The following TUBGCP6 variants were observed in gnomAD, a reference collection of about 807,000 sequenced individuals.
TUBGCP6 encodes the protein tubulin gamma complex component 6, also known as gamma-tubulin complex component 6.
TUBGCP6 carries 161 observed loss-of-function variants against 175.8 expected under a neutral mutation model. That is an observed-to-expected ratio of 0.92 (90% CI 0.81 to 1.04). TUBGCP6 has a LOEUF of 1.04. Ranked by LOEUF, TUBGCP6 falls within the 50% of genes least tolerant of loss-of-function variation. TUBGCP6 has a pLI of 0.00. For synonymous variants in TUBGCP6, 1,173 were observed against 1,030.5 expected (o/e 1.14, Z -2.65); for missense variants, 2,572 against 2,433.0 (o/e 1.06, Z -1.20).
At chr22:50,236,805 C>A (rs984766279) in intron 2 of TUBGCP6, among the ~76,000 whole-genome samples, 19 of 152,312 alleles carry the variant, frequency 1.2e-4, no homozygotes, top group Admixed American at 9.8e-4. Flanking sequence ...CCCTGCATTT[C>A]TTCCTGCAGA....
At chr22:50,224,799 T>C (rs943509790) in intron 10 of TUBGCP6, among the ~76,000 whole-genome samples, 1 of 151,882 alleles carries the variant, frequency 6.6e-6, no homozygotes, top group East Asian at 1.9e-4. Flanking sequence ...ATCAACTATT[T>C]GGCGGGGGTC....
chr22:50,227,162 T>A, intron 5 of TUBGCP6, 85 bp from the exon 6 acceptor site: 1 of 1,250,114 alleles, frequency 8.0e-7, no homozygotes, highest in Non-Finnish European at 1.1e-6. Flanking sequence ...TCTCCACGTA[T>A]CTTTATGCTC....
intron 1 of TUBGCP6, among the ~76,000 whole-genome samples, chr22:50,243,190 C>T (rs2064860919): frequency 6.6e-6 from 1 of 152,290 alleles, no homozygotes; most frequent in Non-Finnish European, 1.5e-5. Flanking sequence ...TGGCTCACGC[C>T]TGTAATCCCA....
intron 15 of TUBGCP6, 51 bp downstream of exon 15, chr22:50,221,977 G>C (rs371054060): frequency 3.1e-6 from 5 of 1,607,736 alleles, no homozygotes; most frequent in South Asian, 1.1e-5. Flanking sequence ...ACCAGGTGCC[G>C]AGGGCTATGG....
chr22:50,219,038 CA>C (rs1049491393), intron 20 of TUBGCP6, 29 bp downstream of exon 20: 1 of 1,610,092 alleles, frequency 6.2e-7, no homozygotes, highest in Non-Finnish European at 8.5e-7. Context: ...TCCCCTCTAC[CA>C]CTGGCCCCAC....
intron 10 of TUBGCP6, among the ~76,000 whole-genome samples, 186 bp downstream of exon 10, chr22:50,225,579 CCCCCTTGGCACCCACCCTTCATCTCAACT>C (rs1167302539): frequency 3.0e-4 from 30 of 99,064 alleles, no homozygotes; most frequent in South Asian, 2.2e-3. Context: ...CATCTCAGCT[CCCCCTTGGCACCCACCCTTCATCTCAACT>C]CCCCGTTGAC....
Position 50,218,407 on chromosome 22 carries a change from C to T in TUBGCP6, c.4955-5G>A, listed in dbSNP as rs778622220. 3.2e-5 allele frequency: 51 copies of T among 1,612,768 alleles called. No individual in the cohort carries two copies. The highest frequency in any genetic ancestry group is 5.3e-5 in the African/African-American group (4 of 74,916). The stretch of plus-strand genomic sequence containing the variant: ...CGGCCATGTGGCTCAGCAGGGCTGG[C>T]GGAGGGCAGAAGGCAGAGGGCAGAG... On this transcript the variant is annotated splice_polypyrimidine_tract_variant and splice_region_variant and intron_variant, in intron 22 of 24. Coordinates refer to ENST00000248846, the MANE Select transcript of TUBGCP6 (RefSeq NM_020461.4).
In TUBGCP6 at chr22:50,226,900, C is replaced by T. The variant is rs777145308; in HGVS notation, c.1492-58G>A. ...AGCGCACCCAGCGCTGGGAGTGAGG[C>T]GCAGCCCTGCCGGCAGCAGCCCTCC... On this transcript the variant is annotated intron_variant, in intron 6 of 24. Coordinates refer to ENST00000248846, the MANE Select transcript of TUBGCP6 (RefSeq NM_020461.4). 43 of 1,554,806 alleles carry T rather than the reference C, an allele frequency of 2.8e-5. No homozygotes were observed. The East Asian group carries it at 5.0e-4, about 18-fold the overall frequency.
chr22:50,233,877 ATTC>A (rs1253282032), intron 2 of TUBGCP6, among the ~76,000 whole-genome samples: 1 of 152,044 alleles, frequency 6.6e-6, no homozygotes, highest in African/African-American at 2.4e-5. Flanking sequence ...CTCATAAAGT[ATTC>A]TTCTGTTAGA....
chr22:50,243,539 G>A (rs2064869237), intron 1 of TUBGCP6, among the ~76,000 whole-genome samples, 180 bp downstream of exon 1: 1 of 143,048 alleles, frequency 7.0e-6, no homozygotes, highest in Non-Finnish European at 1.5e-5. Flanking sequence ...AATTGCTTGA[G>A]CCCAGAAAGT....
intron 4 of TUBGCP6, among the ~76,000 whole-genome samples, chr22:50,228,282 G>A (rs1396462515): frequency 1.4e-5 from 2 of 147,916 alleles, no homozygotes; most frequent in African/African-American, 5.0e-5. Flanking sequence ...CCCCAGGGGC[G>A]CCCACCACCA....
chr22:50,220,204 G>C, intron 16 of TUBGCP6, 47 bp downstream of exon 16: 1 of 1,547,910 alleles, frequency 6.5e-7, no homozygotes, highest in Non-Finnish European at 8.8e-7. Context: ...CCCAGGCTCT[G>C]TGCGTCCCAC....
rs376321384 is a variant in TUBGCP6, at chr22:50,218,877, G to A, written c.4647C>T (p.Pro1549=). The change falls in exon 21 of 25, where the codon CCC becomes CCT. Residue 1549 remains proline, a synonymous_variant. Coordinates refer to ENST00000248846, the MANE Select transcript of TUBGCP6 (RefSeq NM_020461.4). ...LFEKLGAGQT[P]GELLNPLVLN... is the part of the protein sequence containing the mutation. ...GCACCAGCGGGTTGAGCAGCTCTCC[G>A]GGCGTTTGCCCAGCTCCAAGCTAGG... The A allele has an allele frequency of 2.7e-5, 44 of 1,612,254 alleles. 1 individual carries two copies. The highest frequency in any genetic ancestry group is 1.7e-4 in the Middle Eastern group (1 of 6,060).
rs759621081 is a variant in TUBGCP6, at chr22:50,217,852, C to T, written c.5369-25G>A. The T allele has an allele frequency of 3.1e-6, 5 of 1,612,398 alleles. No homozygotes were observed. The Admixed American group carries it at 6.7e-5, about 22-fold the overall frequency. On this transcript the variant is annotated intron_variant, in intron 24 of 24. Transcript: ENST00000248846. ...ACTGGGGACCAGCGAGCAGCTCAGG[C>T]TTTTGCCCACAGTGTGAGCCCCGCC...
chr22:50,218,787 G>A lies in TUBGCP6; in HGVS notation c.4737C>T (p.Asn1579=), dbSNP rs1455245152. The A allele has an allele frequency of 1.2e-6, 2 of 1,614,118 alleles. No homozygotes were observed. Among genetic ancestry groups the A allele is most frequent in the East Asian group, 2.2e-5 (1 of 44,874 alleles). ...GCAGGTACTTGAGAGCGAGGGAGAGGTTGGAGGCGTGCGGGGTGTCCCCAT... is the reference window on the plus strand; with the variant it reads ...GCAGGTACTTGAGAGCGAGGGAGAGATTGGAGGCGTGCGGGGTGTCCCCAT... The part of the protein sequence containing the change: ...SLHGDTPHAS[N]LSLALKYLPE... Residue 1579 remains asparagine (N), a synonymous_variant, in exon 21 of 25, where the codon AAC becomes AAT. Coordinates refer to ENST00000248846, the MANE Select transcript of TUBGCP6 (RefSeq NM_020461.4).
At position 50,218,608 on chromosome 22, in the gene TUBGCP6, G is replaced by A. The variant is rs1401922008; in HGVS notation, c.4834C>T (p.Leu1612Phe). The A allele has an allele frequency of 3.7e-6, 6 of 1,613,596 alleles. No homozygotes were observed. The highest frequency in any genetic ancestry group is 1.3e-5 in the African/African-American group (1 of 74,908). Residue 1612 changes from leucine to phenylalanine, a missense_variant, in exon 22 of 25, where the codon CTC (leucine) becomes TTC (phenylalanine). Transcript: ENST00000248846. ...CAGCCCTCGGTGATGACAATGTTGA[G>A]AGGCCAGTCCACCTGCCAGGAGGCG... is the stretch of plus-strand genomic sequence containing the variant. ...LELRYKVDWP[L>F]NIVITEGCVS...
chr22:50,227,652 C>A (rs914303127), intron 5 of TUBGCP6, among the ~76,000 whole-genome samples: 1 of 152,232 alleles, frequency 6.6e-6, no homozygotes, highest in Non-Finnish European at 1.5e-5. Context: ...CTCCAGGGAC[C>A]CTGTGTGCCA....
intron 3 of TUBGCP6, 131 bp downstream of exon 3, chr22:50,233,185 G>C (rs1390575892): frequency 6.0e-6 from 6 of 993,156 alleles, no homozygotes; most frequent in Non-Finnish European, 7.4e-6. Flanking sequence ...TGGTGGCCCT[G>C]GGAGCTGGCC....
chr22:50,219,547 G>T, intron 18 of TUBGCP6, 91 bp from the exon 19 acceptor site: 1 of 1,586,158 alleles, frequency 6.3e-7, no homozygotes, highest in South Asian at 1.1e-5. Flanking sequence ...CTGGGAACTG[G>T]CTAGCCCAGG....
Sources: allele counts gnomAD v4.1 joint callset (sites outside exome capture counted in the v4.1 genomes callset), GRCh38; gene constraint gnomAD v4.1.1; transcripts MANE v1.5; gene names NCBI Gene and HGNC (gene_info 2026-07-23, HGNC 2026-07-21).